The following NRXN1 variants were observed in gnomAD, a reference collection of about 807,000 sequenced individuals.
NRXN1 encodes the protein neurexin 1.
NRXN1 carries 39 observed loss-of-function variants against 150.9 expected under a neutral mutation model. The observed-to-expected ratio is 0.26, with a 90% CI of 0.20 to 0.34. The LOEUF (loss-of-function observed/expected upper bound fraction) is 0.34, where lower values mean the gene tolerates loss of function less well. Ranked by LOEUF, NRXN1 falls within the 10% of genes least tolerant of loss-of-function variation. The pLI, the probability that NRXN1 is intolerant of heterozygous loss-of-function variation, is 1.00. For missense variants in NRXN1, 1,815 were observed against 1,949.9 expected (o/e 0.93, Z 1.30); for synonymous variants, 924 against 757.0 (o/e 1.22, Z -3.62).
At chr2:50,364,847 T>G (rs1267083788) in intron 17 of NRXN1, among the ~76,000 whole-genome samples, 1 of 152,040 alleles carries the variant, frequency 6.6e-6, no homozygotes, top group African/African-American at 2.4e-5. Flanking sequence ...AATCAAAGTT[T>G]TAGTTATTTT....
chr2:50,436,959 A>G (rs1373442969), intron 17 of NRXN1, among the ~76,000 whole-genome samples: 1 of 152,120 alleles, frequency 6.6e-6, no homozygotes, highest in African/African-American at 2.4e-5. Context: ...CTTCTACAGT[A>G]TCCAAACTGT....
chr2:50,519,302 A>G (rs2092715679), intron 12 of NRXN1, among the ~76,000 whole-genome samples: 1 of 151,960 alleles, frequency 6.6e-6, no homozygotes, highest in Non-Finnish European at 1.5e-5. Context: ...TTTAATCATC[A>G]CTGGATTATT....
In NRXN1 at chr2:51,031,764, C is replaced by A. The variant is rs537039431; in HGVS notation, c.-922+217G>T. On this transcript the variant is annotated intron_variant, in intron 1 of 22. Coordinates refer to ENST00000401669, the MANE Select transcript of NRXN1 (RefSeq NM_001330078.2). ...TTTGCTAATACATCACTGCATTCAG[C>A]CTTTAAGTTACTACCCCAGTTCCAC... Among the ~76,000 whole-genome samples the A allele has an allele frequency of 4.6e-5, 7 of 152,166 alleles. No individual in the cohort carries two copies. In the South Asian group the frequency reaches 1.5e-3, roughly 32 times the overall value.
chr2:50,933,707 G>C (rs1048683648), intron 2 of NRXN1, among the ~76,000 whole-genome samples: 4 of 152,034 alleles, frequency 2.6e-5, no homozygotes, highest in African/African-American at 9.7e-5. Context: ...TTGATTTACT[G>C]ATCCATAAAA....
At chr2:50,016,243 A>C (rs1361651460) in intron 21 of NRXN1, among the ~76,000 whole-genome samples, 1 of 152,114 alleles carries the variant, frequency 6.6e-6, no homozygotes, top group Non-Finnish European at 1.5e-5. Flanking sequence ...TCTCAGGATA[A>C]GACCGAGGGT....
chr2:50,720,285 T>C (rs1574235413), intron 5 of NRXN1, among the ~76,000 whole-genome samples: 1 of 152,024 alleles, frequency 6.6e-6, no homozygotes, highest in Non-Finnish European at 1.5e-5. Context: ...TAGTGCAAAA[T>C]TCATATAAAA....
Position 50,778,557 on chromosome 2 carries a change from G to A in NRXN1, c.832+143312C>T, listed in dbSNP as rs865838136. Among the ~76,000 whole-genome samples, 3 of 152,276 alleles carry A rather than the reference G, an allele frequency of 2.0e-5. No individual in the cohort carries two copies. In the South Asian group the frequency reaches 6.2e-4, roughly 32 times the overall value. ...AAGAAGGCCACTGGAATGAACAAAA[G>A]GAAGGTGGCAGGATCCTTAAAAGGT... is the stretch of plus-strand genomic sequence containing the variant. On this transcript the variant is annotated intron_variant, in intron 5 of 22. Transcript: ENST00000401669.
chr2:50,546,897 A>G (rs1240529404), intron 9 of NRXN1, among the ~76,000 whole-genome samples: 2 of 152,218 alleles, frequency 1.3e-5, no homozygotes, highest in African/African-American at 4.8e-5. Flanking sequence ...TGGGAGGAAC[A>G]TTTACAGTCA....
intron 18 of NRXN1, chr2:50,185,589 T>G (rs1231815138): frequency 1.2e-4 from 19 of 152,036 alleles, no homozygotes; most frequent in Non-Finnish European, 2.5e-4. Flanking sequence ...TCTTTGCTCT[T>G]GTTCCTGCCT....
chr2:50,032,521 A>C (rs1273819118), intron 21 of NRXN1, among the ~76,000 whole-genome samples: 1 of 152,074 alleles, frequency 6.6e-6, no homozygotes, highest in Non-Finnish European at 1.5e-5. Flanking sequence ...GAATTTAGTA[A>C]TATACACCAA....
At chr2:50,292,176 C>G (rs2073008271) in intron 17 of NRXN1, among the ~76,000 whole-genome samples, 1 of 152,162 alleles carries the variant, frequency 6.6e-6, no homozygotes. Context: ...CATTTTAAAA[C>G]AGTTGACAAG....
intron 5 of NRXN1, among the ~76,000 whole-genome samples, chr2:50,770,219 T>C (rs1702842997): frequency 1.3e-5 from 2 of 152,156 alleles, no homozygotes; most frequent in South Asian, 4.1e-4. Context: ...GTAATCACTC[T>C]GAGAAAACAG....
At chr2:50,949,132 T>C (rs2104566107) in intron 2 of NRXN1, among the ~76,000 whole-genome samples, 1 of 152,180 alleles carries the variant, frequency 6.6e-6, no homozygotes, top group East Asian at 1.9e-4. Flanking sequence ...AACCTGAAAA[T>C]ACCTTTGTCA....
intron 18 of NRXN1, chr2:50,199,071 T>G (rs887129948): frequency 2.1e-4 from 32 of 152,118 alleles, no homozygotes; most frequent in African/African-American, 7.7e-4. Context: ...CTGTGCTACT[T>G]TGCAAATGGT....
intron 8 of NRXN1, among the ~76,000 whole-genome samples, chr2:50,588,027 T>G (rs1673458622): frequency 6.6e-6 from 1 of 152,158 alleles, no homozygotes. Flanking sequence ...GACTAGGCAT[T>G]TTATCTGTTA....
intron 2 of NRXN1, among the ~76,000 whole-genome samples, chr2:50,937,459 G>T (rs917017384): frequency 6.6e-6 from 1 of 152,212 alleles, no homozygotes; most frequent in Non-Finnish European, 1.5e-5. Context: ...TTTACTTGCC[G>T]CAGTGAGCTT....
chr2:50,581,017 T>C (rs991683869), intron 8 of NRXN1, among the ~76,000 whole-genome samples: 1 of 152,164 alleles, frequency 6.6e-6, no homozygotes, highest in Non-Finnish European at 1.5e-5. Context: ...AAATACTTTT[T>C]TGGAGGACAA....
chr2:50,479,190 T>A (rs143549881), intron 15 of NRXN1, among the ~76,000 whole-genome samples: 1 of 152,346 alleles, frequency 6.6e-6, no homozygotes, highest in South Asian at 2.1e-4. Flanking sequence ...TGAAATAATA[T>A]CTATCTTCGC....
intron 17 of NRXN1, among the ~76,000 whole-genome samples, chr2:50,385,081 G>T (rs897345862): frequency 4.6e-5 from 7 of 152,250 alleles, no homozygotes; most frequent in Admixed American, 2.6e-4. Context: ...AATACTAATT[G>T]TTTTCACATA....
Sources: gnomAD v4.1 joint callset for allele counts (sites outside exome capture counted in the v4.1 genomes callset) on GRCh38, gnomAD v4.1.1 for gene constraint, MANE v1.5 for transcripts, NCBI Gene and HGNC (gene_info 2026-07-23, HGNC 2026-07-21) for gene names.